RP1: variants seen among roughly 807,000 people sequenced by gnomAD.
The protein encoded by RP1 is oxygen-regulated protein 1.
In RP1, 16 loss-of-function variants were observed where a neutral mutation model predicts 14.8. That is an observed-to-expected ratio of 1.08 (90% confidence interval 0.73 to 1.65). The LOEUF is 1.65. Ranked by LOEUF, RP1 falls within the 40% of genes most tolerant of loss-of-function variation. The pLI, the probability that RP1 is intolerant of heterozygous loss-of-function variation, is 0.00. For synonymous variants in RP1, 876 were observed against 883.6 expected, an observed-to-expected ratio of 0.99 and a Z score of 0.15; for missense variants, 2,631 against 2,535.0, an observed-to-expected ratio of 1.04 and a Z score of -0.81.
At chr8:54,814,808 C>CTAAAAAA (rs1407203868) in intron 24 of RP1, among the ~76,000 whole-genome samples, 1 of 152,142 alleles carries the variant, frequency 6.6e-6, no homozygotes, top group East Asian at 1.9e-4. Context: ...CAAATTTTGC[C>CTAAAAAA]TAAAAAATAA....
intron 1 of RP1, among the ~76,000 whole-genome samples, chr8:54,583,993 T>C (rs1804857857): frequency 6.6e-6 from 1 of 152,174 alleles, no homozygotes; most frequent in Non-Finnish European, 1.5e-5. Context: ...TTTGTGTCTC[T>C]ATTTCCTTCA....
chr8:54,649,166 G>A, intron 4 of RP1: 1 of 1,457,376 alleles, frequency 6.9e-7, no homozygotes, highest in Non-Finnish European at 8.9e-7. Flanking sequence ...ATAAAACTGA[G>A]TATAAACTGT....
chr8:54,678,489 T>C, exon 9 of RP1: 2 of 1,534,898 alleles, frequency 1.3e-6, no homozygotes. Context: ...ATGATGTTGT[T>C]ATCAAGGATC....
intron 24 of RP1, among the ~76,000 whole-genome samples, chr8:54,795,377 G>T (rs1055326489): frequency 9.2e-5 from 14 of 152,104 alleles, no homozygotes; most frequent in Admixed American, 3.3e-4. Flanking sequence ...AGCCAAAAAA[G>T]ACCTAAAAAC....
chr8:54,775,997 A>C (rs1810027634), intron 23 of RP1, among the ~76,000 whole-genome samples: 1 of 152,192 alleles, frequency 6.6e-6, no homozygotes, highest in African/African-American at 2.4e-5. Flanking sequence ...GATTCCAACA[A>C]CCACAGATTG....
chr8:54,647,882 T>C (rs549055236), intron 3 of RP1, among the ~76,000 whole-genome samples: 1 of 152,254 alleles, frequency 6.6e-6, no homozygotes, highest in African/African-American at 2.4e-5. Context: ...ATCAGCTTTC[T>C]GATTGACATG....
exon 21 of RP1, chr8:54,755,687 C>T (rs1265539217): frequency 2.0e-6 from 3 of 1,535,950 alleles, no homozygotes; most frequent in Non-Finnish European, 2.6e-6. Flanking sequence ...TGAGGTTTTC[C>T]TCTGTCTCTT....
At chr8:54,670,579 ATATG>A (rs1563343219) in intron 7 of RP1, among the ~76,000 whole-genome samples, 1 of 138,040 alleles carries the variant, frequency 7.2e-6, no homozygotes, top group African/African-American at 2.7e-5. Context: ...ATATGTATGT[ATATG>A]TATATATATA....
intron 24 of RP1, among the ~76,000 whole-genome samples, chr8:54,835,993 C>G (rs1006988504): frequency 6.6e-6 from 1 of 152,132 alleles, no homozygotes; most frequent in African/African-American, 2.4e-5. Context: ...AGGAGGGGGA[C>G]CAGCTATTTA....
rs143844644 is a variant in RP1, at chr8:54,600,441, G to A, written c.-12-20514G>A. ...GGTCTCATTTACCCTGCAGAGTGGCGGGGAGTTGGGGAGGGATTTGGGCAG... is the reference window on the plus strand; with the variant it reads ...GGTCTCATTTACCCTGCAGAGTGGCAGGGAGTTGGGGAGGGATTTGGGCAG... On this transcript the variant is annotated intron_variant, in intron 1 of 22. Transcript: ENST00000636932. Among the ~76,000 whole-genome samples, 1,385 of 152,258 alleles carry A rather than the reference G, an allele frequency of 9.1e-3. 24 individuals carry two copies. Among genetic ancestry groups the A allele is most frequent in the African/African-American group, 0.031 (1,295 of 41,546 alleles).
At chr8:54,572,983 C>A (rs927030885) in intron 1 of RP1, among the ~76,000 whole-genome samples, 1 of 149,424 alleles carries the variant, frequency 6.7e-6, no homozygotes, top group Middle Eastern at 3.4e-3. Context: ...TAGACACTCA[C>A]TTTTTACAAT....
At position 54,625,273 on chromosome 8, in the gene RP1, T is replaced by C. The variant is rs1474961409; in HGVS notation, c.1391T>C (p.Ile464Thr). The C allele has an allele frequency of 3.1e-6, 5 of 1,614,070 alleles. No homozygotes were observed. The highest frequency in any genetic ancestry group is 4.2e-6 in the Non-Finnish European group (5 of 1,180,036). ...AGAGTGAGACAAAAGAAATCTGTGA[T>C]TGGCAGTGTGACCTTAGTATCTGAA... Reference protein sequence around the residue: ...LRRVRQKKSVIGSVTLVSETE... With the variant: ...LRRVRQKKSVTGSVTLVSETE... Residue 464 changes from isoleucine to threonine, a missense_variant, in exon 4 of 4, where the codon ATT becomes ACT. By Grantham distance (89) the Ile-to-Thr change is moderately conservative. Coordinates refer to ENST00000220676, the MANE Select transcript of RP1 (RefSeq NM_006269.2).
At chr8:54,648,974 T>G (rs1318010915) in intron 3 of RP1, 1 of 1,488,538 alleles carries the variant, frequency 6.7e-7, no homozygotes, top group Non-Finnish European at 8.8e-7. Context: ...ATGTTATTTT[T>G]TCTTTTATAG....
intron 1 of RP1, among the ~76,000 whole-genome samples, chr8:54,606,987 G>A (rs1042165327): frequency 3.9e-5 from 6 of 151,946 alleles, no homozygotes; most frequent in East Asian, 3.9e-4. Flanking sequence ...CCATGGGTTC[G>A]AACCTCCTCC....
upstream of RP1, among the ~76,000 whole-genome samples, chr8:54,613,236 C>A (rs1805638163): frequency 6.6e-6 from 1 of 152,128 alleles, no homozygotes; most frequent in South Asian, 2.1e-4. Context: ...GGACCATACA[C>A]AGAATTCTAT....
intron 24 of RP1, among the ~76,000 whole-genome samples, chr8:54,836,011 T>C (rs1239548992): frequency 1.3e-5 from 2 of 152,226 alleles, no homozygotes; most frequent in African/African-American, 4.8e-5. Flanking sequence ...TTAGCTTGAC[T>C]GTGATGAACT....
chr8:54,720,161 T>C (rs762654380), exon 16 of RP1: 2 of 1,535,110 alleles, frequency 1.3e-6, no homozygotes, highest in Non-Finnish European at 1.7e-6. Context: ...ATTTTAAAAT[T>C]AAGAAGAACT....
rs1466799257 is a variant in RP1, at chr8:54,643,757, C to T, written c.788-5228C>T. On this transcript the variant is annotated intron_variant, in intron 3 of 22. Transcript: ENST00000636932. ...CTGGCTTTTGGTGGTTGCCTGAAGT[C>T]CTTGGCATTCTTTGGCTTGCAGCAG... Among the ~76,000 whole-genome samples, 3 of 152,112 alleles carry T rather than the reference C, an allele frequency of 2.0e-5. No individual in the cohort carries two copies. The East Asian group carries it at 5.8e-4, about 29-fold the overall frequency.
chr8:54,674,252 C>A lies in RP1; in HGVS notation c.1402+324C>A, dbSNP rs368027494. ...CCAGCATGGTAGTTAGTGGTGGAGG[C>A]AGCAGTCGTATCTCCTGGTGGTGAT... On this transcript the variant is annotated intron_variant, in intron 8 of 22. Transcript: ENST00000636932. Among the ~76,000 whole-genome samples, 4 of 152,024 alleles carry A rather than the reference C, an allele frequency of 2.6e-5. No homozygotes were observed. The East Asian group carries it at 5.8e-4, about 22-fold the overall frequency.
Sources: allele counts gnomAD v4.1 joint callset (sites outside exome capture counted in the v4.1 genomes callset), GRCh38; gene constraint gnomAD v4.1.1; transcripts MANE v1.5; gene names NCBI Gene and HGNC (gene_info 2026-07-23, HGNC 2026-07-21).